The following HTR5A variants were observed in gnomAD, a reference collection of about 807,000 sequenced individuals.
HTR5A encodes the protein 5-HT-5.
In HTR5A, 21 loss-of-function variants were observed where a neutral mutation model predicts 24.3. The ratio of observed to expected loss-of-function variants is 0.86; its 90% CI spans 0.61 to 1.24. The LOEUF (loss-of-function observed/expected upper bound fraction) is 1.24. HTR5A is among the 50% of genes most tolerant of loss of function. The pLI is 0.00. For synonymous variants in HTR5A, 260 were observed against 213.7 expected (o/e 1.22, Z -1.89); for missense variants, 497 against 489.5 (o/e 1.02, Z -0.15).
At position 155,084,340 on chromosome 7, in the gene HTR5A, C is replaced by A. The variant is rs202114711; in HGVS notation, c.927C>A (p.Pro309=). 2.8e-5 allele frequency: 46 copies of A among 1,614,038 alleles called. No individual in the cohort carries two copies. The highest frequency in any genetic ancestry group is 3.5e-5 in the Non-Finnish European group (41 of 1,180,042). The part of the protein sequence containing the change: ...IPFFLTELIS[P]LCSCDIPAIW... Reference sequence around the variant, plus strand: ...TCTTTCTCACCGAGCTCATCAGTCCCCTCTGCTCCTGTGACATCCCCGCCA... The same window carrying A: ...TCTTTCTCACCGAGCTCATCAGTCCACTCTGCTCCTGTGACATCCCCGCCA... Residue 309 remains proline, a synonymous_variant, in exon 2 of 2, where the codon CCC becomes CCA. Transcript: ENST00000287907.
At position 155,071,019 on chromosome 7, in the gene HTR5A, A is replaced by G. The variant is rs761531258; in HGVS notation, c.120A>G (p.Gly40=). Residue 40 remains glycine (G), a synonymous_variant, in exon 1 of 2, where the codon GGA becomes GGG. Coordinates refer to ENST00000287907, the MANE Select transcript of HTR5A (RefSeq NM_024012.4). ...GCTCGCCCCTGCTCTCGGTCTTCGG[A>G]GTGCTTATTCTCACCTTGCTGGGCT... ...RPSSPLLSVF[G]VLILTLLGFL... is the part of the protein sequence containing the mutation. 21 of 1,611,350 alleles carry G rather than the reference A, an allele frequency of 1.3e-5. No homozygotes were observed. In the Middle Eastern group the frequency reaches 4.9e-4, roughly 38 times the overall value.
chr7:155,073,917 GTA>G (rs10676344), intron 1 of HTR5A, among the ~76,000 whole-genome samples: 1,387 of 130,568 alleles, frequency 0.011, 51 homozygotes, highest in African/African-American at 0.044. Context: ...ATATATATAT[GTA>G]TATATATATA....
In HTR5A at chr7:155,086,436, A is replaced by T. The variant is rs1795477736; in HGVS notation, c.*1949A>T. ...TGTGCCACATTTTTCTGGTGGCTTC[A>T]AACACTCCCCAACTCTCCAAGGATT... is the stretch of plus-strand genomic sequence containing the variant. On this transcript the variant is annotated 3_prime_UTR_variant, in exon 2 of 2. Transcript: ENST00000287907. Among the ~76,000 whole-genome samples, 1 of 152,228 alleles carries T rather than the reference A, an allele frequency of 6.6e-6. No individual in the cohort carries two copies. The highest frequency in any genetic ancestry group is 6.5e-5 in the Admixed American group (1 of 15,288).
chr7:155,074,214 C>T lies in HTR5A; in HGVS notation c.741+2574C>T, dbSNP rs143716273. On this transcript the variant is annotated intron_variant, in intron 1 of 1. Transcript: ENST00000287907. ...CTGCTGAGTTTTATTCAAATACATG[C>T]CATGAAATCCTAACCTAGGTCAGAC... 1.1e-4 allele frequency among the ~76,000 whole-genome samples: 17 copies of T among 152,134 alleles called. No homozygotes were observed. The East Asian group carries it at 2.9e-3, about 26-fold the overall frequency.
chr7:155,070,924 T>C lies in HTR5A; in HGVS notation c.25T>C (p.Ser9Pro), dbSNP rs1401786264. MDLPVNLTSFSLSTPSPLE... is the reference protein window; with the variant it reads MDLPVNLTPFSLSTPSPLE... ...GATGGATTTACCTGTGAACCTAACC[T>C]CCTTTTCCCTCTCCACCCCCTCCCC... Residue 9 changes from serine (S) to proline (P), a missense_variant, in exon 1 of 2, where the codon TCC becomes CCC. Ser to Pro is a moderately conservative substitution (Grantham distance 74). Coordinates refer to ENST00000287907, the MANE Select transcript of HTR5A (RefSeq NM_024012.4). 1 of 1,604,586 alleles carries C rather than the reference T, an allele frequency of 6.2e-7. No homozygotes were observed. The highest frequency in any genetic ancestry group is 8.5e-7 in the Non-Finnish European group (1 of 1,179,418).
At chr7:155,073,252 C>T (rs1237536535) in intron 1 of HTR5A, among the ~76,000 whole-genome samples, 3 of 137,232 alleles carry the variant, frequency 2.2e-5, no homozygotes, top group African/African-American at 5.3e-5. Context: ...ACCCGGGAGG[C>T]GGAGCTGGCA....
In HTR5A at chr7:155,084,423, T is replaced by G; in HGVS notation, c.1010T>G (p.Ile337Ser). ...TCCAACTCCTTCTTTAACCCCCTGA[T>G]CTATACGGCTTTCAACAAGAACTAC... is the stretch of plus-strand genomic sequence containing the variant. ...GYSNSFFNPLIYTAFNKNYNS... is the reference protein window; with the variant it reads ...GYSNSFFNPLSYTAFNKNYNS... Residue 337 changes from isoleucine to serine, a missense_variant, in exon 2 of 2, where the codon ATC (isoleucine) becomes AGC (serine). Coordinates refer to ENST00000287907, the MANE Select transcript of HTR5A (RefSeq NM_024012.4). 2 of 1,614,170 alleles carry G rather than the reference T, an allele frequency of 1.2e-6. No homozygotes were observed. The highest frequency in any genetic ancestry group is 1.1e-5 in the South Asian group (1 of 91,082).
chr7:155,072,678 A>T (rs1795310481), intron 1 of HTR5A, among the ~76,000 whole-genome samples: 1 of 152,218 alleles, frequency 6.6e-6, no homozygotes, highest in Non-Finnish European at 1.5e-5. Context: ...AAGTAGTTTA[A>T]GGAAGCATAT....
chr7:155,075,283 T>C (rs201703260), intron 1 of HTR5A, among the ~76,000 whole-genome samples: 1 of 144,484 alleles, frequency 6.9e-6, no homozygotes, highest in Non-Finnish European at 1.5e-5. Flanking sequence ...TTTGGTCCTC[T>C]TAATGATGAA....
intron 1 of HTR5A, 95 bp from the exon 2 acceptor site, chr7:155,084,060 G>T (rs1048647101): frequency 1.0e-6 from 1 of 985,022 alleles, no homozygotes; most frequent in Admixed American, 2.8e-5. Flanking sequence ...TTTCCCTTGA[G>T]TGGATGTGCG....
intron 1 of HTR5A, chr7:155,074,731 A>G (rs1795342296): frequency 1.3e-5 from 2 of 152,230 alleles, no homozygotes; most frequent in South Asian, 4.1e-4. Context: ...TCTGACTCTC[A>G]AAATTATAGG....
At chr7:155,076,888 G>A (rs546199791) in intron 1 of HTR5A, among the ~76,000 whole-genome samples, 5 of 152,322 alleles carry the variant, frequency 3.3e-5, no homozygotes, top group Admixed American at 6.5e-5. Flanking sequence ...AAAGCCTCCA[G>A]GTTACTGAAC....
In HTR5A at chr7:155,071,065, G is replaced by A. The variant is rs200887444; in HGVS notation, c.166G>A (p.Ala56Thr). 1.2e-6 allele frequency: 2 copies of A among 1,609,514 alleles called. No individual in the cohort carries two copies. Among genetic ancestry groups the A allele is most frequent in the South Asian group, 1.1e-5 (1 of 91,088 alleles). Reference protein sequence around the residue: ...LLGFLVAATFAWNLLVLATIL... With the variant: ...LLGFLVAATFTWNLLVLATIL... ...GGGCTTTCTGGTGGCGGCGACGTTCGCCTGGAACCTGCTGGTGCTGGCGAC... is the reference window on the plus strand; with the variant it reads ...GGGCTTTCTGGTGGCGGCGACGTTCACCTGGAACCTGCTGGTGCTGGCGAC... The change falls in exon 1 of 2, where the codon GCC becomes ACC. Residue 56 changes from alanine (A) to threonine (T), a missense_variant. Physicochemically the swap from Ala to Thr is moderately conservative, Grantham distance 58. Transcript: ENST00000287907.
chr7:155,076,334 T>A (rs12539876), intron 1 of HTR5A, among the ~76,000 whole-genome samples: 1 of 151,862 alleles, frequency 6.6e-6, no homozygotes, highest in African/African-American at 2.4e-5. Flanking sequence ...TTCTATAGTA[T>A]GTTAAATTAG....
chr7:155,086,727 T>C lies in HTR5A; in HGVS notation c.*2240T>C, dbSNP rs1332581919. On this transcript the variant is annotated 3_prime_UTR_variant, in exon 2 of 2. Transcript: ENST00000287907. ...GCTTCCATTTCAATAGTAAAAGTTGTTTATACCCTGGTAAGAAATGTAGAC... is the reference window on the plus strand; with the variant it reads ...GCTTCCATTTCAATAGTAAAAGTTGCTTATACCCTGGTAAGAAATGTAGAC... Among the ~76,000 whole-genome samples, 1 of 152,214 alleles carries C rather than the reference T, an allele frequency of 6.6e-6. No homozygotes were observed. Among genetic ancestry groups the C allele is most frequent in the African/African-American group, 2.4e-5 (1 of 41,464 alleles).
intron 1 of HTR5A, among the ~76,000 whole-genome samples, chr7:155,078,536 C>T (rs1795382260): frequency 6.6e-6 from 1 of 152,194 alleles, no homozygotes; most frequent in South Asian, 2.1e-4. Flanking sequence ...TGGTCTCAAA[C>T]TCCCAAGCTC....
chr7:155,078,606 C>T (rs1192969956), intron 1 of HTR5A, among the ~76,000 whole-genome samples: 1 of 152,142 alleles, frequency 6.6e-6, no homozygotes, highest in Non-Finnish European at 1.5e-5. Flanking sequence ...AGCCACCATG[C>T]CCAGATTCAT....
chr7:155,071,387 C>A lies in HTR5A; in HGVS notation c.488C>A (p.Ala163Glu). The A allele has an allele frequency of 6.2e-7, 1 of 1,614,120 alleles. No individual in the cohort carries two copies. Among genetic ancestry groups the A allele is most frequent in the Non-Finnish European group, 8.5e-7 (1 of 1,180,044 alleles). ...AAGTGCGTCTCCAACGTCATGATCG[C>A]GCTCACCTGGGCACTCTCCGCTGTC... ...TRKCVSNVMIALTWALSAVIS... is the reference protein window; with the variant it reads ...TRKCVSNVMIELTWALSAVIS... The change falls in exon 1 of 2, where the codon GCG becomes GAG. Residue 163 changes from alanine to glutamate, a missense_variant. Coordinates refer to ENST00000287907, the MANE Select transcript of HTR5A (RefSeq NM_024012.4).
intron 1 of HTR5A, among the ~76,000 whole-genome samples, chr7:155,083,099 GTTCCT>G (rs61503632): frequency 0.22 from 33,559 of 151,912 alleles, 4,555 homozygotes; most frequent in South Asian, 0.3. Flanking sequence ...TAGTAAGTCA[GTTCCT>G]TTCGAGTCCA....
Sources: gnomAD v4.1 joint callset for allele counts (sites outside exome capture counted in the v4.1 genomes callset) on GRCh38, gnomAD v4.1.1 for gene constraint, MANE v1.5 for transcripts, NCBI Gene and HGNC (gene_info 2026-07-23, HGNC 2026-07-21) for gene names.